The following KCNT2 variants were observed in gnomAD, a reference collection of about 807,000 sequenced individuals.
KCNT2 encodes potassium sodium-activated channel subfamily T member 2, also known as potassium channel subfamily T member 2.
Under a neutral mutation model 153.8 loss-of-function variants are expected in KCNT2, and 67 were observed. The ratio of observed to expected loss-of-function variants is 0.44; its 90% CI spans 0.36 to 0.53. The LOEUF is 0.53. Among genes scored for constraint, KCNT2 ranks in the 20% least tolerant of loss-of-function variants. The pLI is 0.00. For synonymous variants in KCNT2, 500 were observed against 458.8 expected, an observed-to-expected ratio of 1.09 and a Z score of -1.15; for missense variants, 975 against 1,354.8, an observed-to-expected ratio of 0.72 and a Z score of 4.40.
chr1:196,460,321 TCA>T (rs1407395429), intron 8 of KCNT2, among the ~76,000 whole-genome samples: 3 of 151,810 alleles, frequency 2.0e-5, no homozygotes, highest in Admixed American at 1.3e-4. Flanking sequence ...TCTTATGACC[TCA>T]CACAAAACTT....
intron 14 of KCNT2, among the ~76,000 whole-genome samples, chr1:196,372,286 A>G (rs1668602920): frequency 6.6e-6 from 1 of 151,958 alleles, no homozygotes; most frequent in African/African-American, 2.4e-5. Context: ...AATCTCAAAA[A>G]AGAATTTTCC....
At chr1:196,585,728 T>C (rs1182737715) in intron 1 of KCNT2, among the ~76,000 whole-genome samples, 2 of 152,162 alleles carry the variant, frequency 1.3e-5, no homozygotes, top group African/African-American at 2.4e-5. Flanking sequence ...ATTCACTCAC[T>C]CATCCATTAG....
chr1:196,335,764 T>A (rs1403265365), intron 16 of KCNT2, among the ~76,000 whole-genome samples: 1 of 152,122 alleles, frequency 6.6e-6, no homozygotes, highest in Non-Finnish European at 1.5e-5. Context: ...GTTGCACACA[T>A]TTTTATGCAT....
chr1:196,365,780 T>C (rs1258462755), intron 14 of KCNT2, among the ~76,000 whole-genome samples: 1 of 152,228 alleles, frequency 6.6e-6, no homozygotes, highest in Non-Finnish European at 1.5e-5. Flanking sequence ...CTGGGTATCC[T>C]GTTTTGTCTT....
intron 14 of KCNT2, among the ~76,000 whole-genome samples, chr1:196,346,064 G>C (rs1311138245): frequency 1.3e-5 from 2 of 151,886 alleles, no homozygotes; most frequent in African/African-American, 4.8e-5. Context: ...AGGTACATGG[G>C]TGTTCATAAT....
At chr1:196,417,209 C>A (rs1253412806) in intron 12 of KCNT2, among the ~76,000 whole-genome samples, 1 of 152,032 alleles carries the variant, frequency 6.6e-6, no homozygotes, top group African/African-American at 2.4e-5. Context: ...ATATAAAAAA[C>A]ACAGGCAGTT....
chr1:196,256,128 C>T (rs983647509), intron 26 of KCNT2, among the ~76,000 whole-genome samples: 2 of 151,888 alleles, frequency 1.3e-5, no homozygotes, highest in Non-Finnish European at 2.9e-5. Flanking sequence ...AACTTATCTC[C>T]ATATTTTTCC....
rs532940224 is a variant in KCNT2, at chr1:196,537,089, T to C, written c.96-44748A>G. Among the ~76,000 whole-genome samples, 200 of 152,274 alleles carry C rather than the reference T, an allele frequency of 1.3e-3. 2 individuals are homozygous for C. The highest frequency in any genetic ancestry group is 4.5e-3 in the African/African-American group (189 of 41,568). On this transcript the variant is annotated intron_variant, in intron 1 of 27. Transcript: ENST00000294725. ...ATCCAGTTCAAATGGGCTCCCCTGG[T>C]TAATTTTCCATAGGGGTTGTGCCTG... is the stretch of plus-strand genomic sequence containing the variant.
chr1:196,527,119 T>C (rs1354289952), intron 1 of KCNT2, among the ~76,000 whole-genome samples: 4 of 152,136 alleles, frequency 2.6e-5, no homozygotes, highest in Non-Finnish European at 4.4e-5. Context: ...GTGCCCCCAC[T>C]GGTCTATGGG....
intron 1 of KCNT2, among the ~76,000 whole-genome samples, chr1:196,568,261 G>A (rs1036544521): frequency 6.6e-6 from 1 of 152,074 alleles, no homozygotes; most frequent in Non-Finnish European, 1.5e-5. Flanking sequence ...TAGATCCCTT[G>A]TATGTGCAGT....
chr1:196,552,863 G>A (rs1230296050), intron 1 of KCNT2, among the ~76,000 whole-genome samples: 1 of 151,100 alleles, frequency 6.6e-6, no homozygotes, highest in African/African-American at 2.4e-5. Flanking sequence ...AAAATATTGG[G>A]TTTAAGATAG....
intron 13 of KCNT2, among the ~76,000 whole-genome samples, chr1:196,394,306 T>G (rs1166771903): frequency 6.6e-6 from 1 of 151,464 alleles, no homozygotes; most frequent in African/African-American, 2.4e-5. Flanking sequence ...CAGAAAAAGA[T>G]GAAAAGGGAC....
At chr1:196,257,438 T>C (rs1656612976) in intron 26 of KCNT2, 2 of 970,702 alleles carry the variant, frequency 2.1e-6, no homozygotes, top group African/African-American at 3.5e-5. Context: ...ACTAACCCTA[T>C]CTGAGTTCCT....
rs1571718046 is a variant in KCNT2 at position 196,228,140 on chromosome 1, C to T, written c.*84G>A. 1 of 701,760 alleles carries T rather than the reference C, an allele frequency of 1.4e-6. No individual in the cohort carries two copies. Among genetic ancestry groups the T allele is most frequent in the Non-Finnish European group, 2.5e-6 (1 of 394,706 alleles). The allele number at this position is 701,760 out of a possible 1,614,324, so 43.5% of individuals were successfully genotyped here. ...AAATATGAGAGAATTACATATATTT[C>T]CATCTAGTTTCTTTCGTGCCAGCAA... On this transcript the variant is annotated 3_prime_UTR_variant, in exon 28 of 28. Coordinates refer to ENST00000294725, the MANE Select transcript of KCNT2 (RefSeq NM_198503.5).
rs1052197479 is a variant in KCNT2 at position 196,331,086 on chromosome 1, A to G, written c.2103+70T>C. 1.4e-4 allele frequency: 113 copies of G among 832,452 alleles called. 1 individual carries two copies. Among genetic ancestry groups the G allele is most frequent in the Admixed American group, 1.2e-4 (6 of 52,018 alleles). The allele number at this position is 832,452 out of a possible 1,614,324, so 51.6% of individuals were successfully genotyped here. A position where few individuals can be genotyped will look rare whatever the true frequency, so the allele number is the denominator to read the frequency against. On this transcript the variant is annotated intron_variant, in intron 18 of 27. Coordinates refer to ENST00000294725, the MANE Select transcript of KCNT2 (RefSeq NM_198503.5). ...TTGTAATCAAAATGCTGTACAAATTACTTAAATTATGTAACTATAAAATGC... is the reference window on the plus strand; with the variant it reads ...TTGTAATCAAAATGCTGTACAAATTGCTTAAATTATGTAACTATAAAATGC...
At chr1:196,538,606 C>T (rs1025804158) in intron 1 of KCNT2, among the ~76,000 whole-genome samples, 31 of 152,080 alleles carry the variant, frequency 2.0e-4, no homozygotes, top group African/African-American at 5.8e-4. Flanking sequence ...TCACCTAATG[C>T]GCCTAACGTG....
intron 27 of KCNT2, among the ~76,000 whole-genome samples, chr1:196,229,928 G>A (rs1218756084): frequency 6.6e-6 from 1 of 152,098 alleles, no homozygotes; most frequent in Non-Finnish European, 1.5e-5. Flanking sequence ...GTTAGCTCAT[G>A]AAGCTTAAGG....
intron 1 of KCNT2, among the ~76,000 whole-genome samples, chr1:196,515,850 C>T (rs1682003845): frequency 6.6e-6 from 1 of 152,132 alleles, no homozygotes; most frequent in African/African-American, 2.4e-5. Context: ...CTCCCCAACC[C>T]AGGGAAGTGG....
At chr1:196,451,086 TAA>T (rs1676120983) in intron 8 of KCNT2, among the ~76,000 whole-genome samples, 1 of 151,738 alleles carries the variant, frequency 6.6e-6, no homozygotes, top group Non-Finnish European at 1.5e-5. Flanking sequence ...TCATTATCCC[TAA>T]GTTAAAAAAG....
Sources: gnomAD v4.1 joint callset for allele counts (sites outside exome capture counted in the v4.1 genomes callset) on GRCh38, gnomAD v4.1.1 for gene constraint, MANE v1.5 for transcripts, NCBI Gene and HGNC (gene_info 2026-07-23, HGNC 2026-07-21) for gene names.